Variants in XKR9 observed in about 807,000 individuals in gnomAD.
The protein encoded by XKR9 is XK related 9.
A neutral mutation model predicts 32.0 loss-of-function variants in XKR9; 32 were observed. That is an observed-to-expected ratio of 1.00 (90% CI 0.76 to 1.34). XKR9 has a LOEUF of 1.34. Ranked by LOEUF, XKR9 falls within the 40% of genes most tolerant of loss-of-function variation. The pLI is 0.00. For missense variants in XKR9, 546 were observed against 429.7 expected (o/e 1.27, Z -2.39); for synonymous variants, 168 against 143.4 (o/e 1.17, Z -1.22).
At chr8:71,061,205 C>A in the XKR9 span, among the ~76,000 whole-genome samples, 4,770 of 152,262 alleles carry the variant, frequency 0.031, 115 homozygotes, top group Non-Finnish European at 0.042. Flanking sequence ...CCCAAGCAGA[C>A]TGACTCTAGT....
chr8:71,023,421 T>G, the XKR9 span, among the ~76,000 whole-genome samples: 2 of 152,240 alleles, frequency 1.3e-5, no homozygotes, highest in Non-Finnish European at 2.9e-5. Context: ...AGTTATGTTT[T>G]CTTAGTGAAG....
At chr8:70,962,078 C>A in the XKR9 span, among the ~76,000 whole-genome samples, 1 of 152,026 alleles carries the variant, frequency 6.6e-6, no homozygotes, top group Non-Finnish European at 1.5e-5. Flanking sequence ...ACAATGGTAT[C>A]TAGAGTGAAT....
chr8:70,850,295 A>G, the XKR9 span, among the ~76,000 whole-genome samples: 1 of 151,882 alleles, frequency 6.6e-6, no homozygotes, highest in Non-Finnish European at 1.5e-5. Flanking sequence ...CCCTGACTCT[A>G]CTAAAAATAC....
chr8:70,800,463 A>G, the XKR9 span, among the ~76,000 whole-genome samples: 1 of 152,122 alleles, frequency 6.6e-6, no homozygotes, highest in Non-Finnish European at 1.5e-5. Flanking sequence ...TACATCTGGT[A>G]GAATTTGGCT....
At chr8:70,753,185 G>A (rs1181158071) in intron 2 of XKR9, among the ~76,000 whole-genome samples, 36 of 152,232 alleles carry the variant, frequency 2.4e-4, no homozygotes, top group Admixed American at 2.0e-3. Context: ...TAAATTCCTC[G>A]ACACATACAC....
chr8:70,739,818 A>C (rs1470306317), downstream of XKR9, among the ~76,000 whole-genome samples: 2 of 152,108 alleles, frequency 1.3e-5, no homozygotes, highest in East Asian at 1.9e-4. Context: ...TGGCTTGTAG[A>C]GTTTCTGCCG....
the XKR9 span, among the ~76,000 whole-genome samples, chr8:71,059,242 G>A: frequency 6.6e-6 from 1 of 152,200 alleles, no homozygotes; most frequent in Non-Finnish European, 1.5e-5. Flanking sequence ...TTTACCTGTG[G>A]AAAATAGCAG....
At chr8:70,686,750 T>C (rs906223066) in intron 3 of XKR9, among the ~76,000 whole-genome samples, 6 of 152,180 alleles carry the variant, frequency 3.9e-5, no homozygotes, top group African/African-American at 1.4e-4. Flanking sequence ...AGAAAGTGAA[T>C]GTAATTTTTA....
chr8:70,744,144 C>T (rs1038383067), intron 2 of XKR9, among the ~76,000 whole-genome samples: 11 of 151,926 alleles, frequency 7.2e-5, no homozygotes, highest in Non-Finnish European at 1.3e-4. Context: ...AACCCCATCT[C>T]TACTAAAAAT....
chr8:70,744,183 C>G (rs576665510), intron 2 of XKR9, among the ~76,000 whole-genome samples: 3 of 151,844 alleles, frequency 2.0e-5, no homozygotes, highest in Non-Finnish European at 4.4e-5. Context: ...TGGTAGCAGG[C>G]GCCTCTAATC....
At chr8:70,835,258 A>T in the XKR9 span, among the ~76,000 whole-genome samples, 1 of 152,092 alleles carries the variant, frequency 6.6e-6, no homozygotes, top group African/African-American at 2.4e-5. Context: ...TCTTTATTTG[A>T]CTGGGAAAAG....
chr8:70,778,964 G>A (rs1807573394), intron 2 of XKR9, among the ~76,000 whole-genome samples: 1 of 152,050 alleles, frequency 6.6e-6, no homozygotes, highest in African/African-American at 2.4e-5. Flanking sequence ...TGACTGCCCT[G>A]GCCAGAACTT....
chr8:70,734,350 GA>G lies in XKR9; in HGVS notation c.1051del (p.Thr351GlnfsTer12). The G allele has an allele frequency of 6.2e-7, 1 of 1,610,882 alleles. No individual in the cohort carries two copies. The highest frequency in any genetic ancestry group is 2.2e-5 in the East Asian group (1 of 44,746). On this transcript the variant is annotated frameshift_variant, in exon 5 of 5. Transcript: ENST00000408926. LOFTEE classifies it high-confidence loss of function. ...GAGTTTTCACCCAAACAGAAGTGCA[GA>G]AACAAAATGTGATGAAATTGATGGA... The part of the protein sequence containing the change: ...YGSFHPNRSA[E>X]TKCDEIDGKP...
At chr8:70,880,237 C>T in the XKR9 span, among the ~76,000 whole-genome samples, 1 of 152,162 alleles carries the variant, frequency 6.6e-6, no homozygotes, top group African/African-American at 2.4e-5. Flanking sequence ...CCTCTCTCAC[C>T]ACTCCTATTC....
intron 2 of XKR9, among the ~76,000 whole-genome samples, chr8:70,777,306 G>T (rs112068676): frequency 6.6e-6 from 1 of 151,822 alleles, no homozygotes; most frequent in Non-Finnish European, 1.5e-5. Context: ...TTATGGCTGC[G>T]TAGTATTCCA....
chr8:71,056,452 A>G, the XKR9 span, among the ~76,000 whole-genome samples: 1 of 152,216 alleles, frequency 6.6e-6, no homozygotes, highest in Non-Finnish European at 1.5e-5. Context: ...TTACTCAAGT[A>G]TTTATAGTTT....
At chr8:71,047,555 G>A in the XKR9 span, among the ~76,000 whole-genome samples, 1 of 152,220 alleles carries the variant, frequency 6.6e-6, no homozygotes, top group Non-Finnish European at 1.5e-5. Context: ...CAGACCAAAT[G>A]TCAGTCTTTC....
the XKR9 span, among the ~76,000 whole-genome samples, chr8:70,951,128 A>G: frequency 1.3e-5 from 2 of 152,328 alleles, no homozygotes; most frequent in African/African-American, 4.8e-5. Flanking sequence ...CCCCAGGCTC[A>G]GGAGAAAGGG....
At chr8:70,871,544 A>G in the XKR9 span, among the ~76,000 whole-genome samples, 1 of 152,096 alleles carries the variant, frequency 6.6e-6, no homozygotes, top group African/African-American at 2.4e-5. Flanking sequence ...TACTATTGTA[A>G]TTGTTCTGAG....
Sources: allele counts gnomAD v4.1 joint callset (sites outside exome capture counted in the v4.1 genomes callset), GRCh38; gene constraint gnomAD v4.1.1; transcripts MANE v1.5; gene names NCBI Gene and HGNC (gene_info 2026-07-23, HGNC 2026-07-21).